MSR1: variants seen among roughly 807,000 people sequenced by gnomAD.
The protein encoded by MSR1 is macrophage scavenger receptor types I and II.
In MSR1, 53 loss-of-function variants were observed where a neutral mutation model predicts 47.2. That is an observed-to-expected ratio of 1.12 (90% CI 0.90 to 1.41). The LOEUF (loss-of-function observed/expected upper bound fraction) is 1.41, where lower values mean the gene tolerates loss of function less well. MSR1 is among the 40% of genes most tolerant of loss of function. MSR1 has a pLI of 0.00. For synonymous variants in MSR1, 239 were observed against 185.6 expected, an observed-to-expected ratio of 1.29 and a Z score of -2.34; for missense variants, 786 against 546.9, an observed-to-expected ratio of 1.44 and a Z score of -4.36.
intron 1 of MSR1, among the ~76,000 whole-genome samples, chr8:16,185,267 T>C (rs191517845): frequency 3.9e-5 from 6 of 152,276 alleles, no homozygotes; most frequent in East Asian, 3.9e-4. Flanking sequence ...GAGAATCTCA[T>C]CTACTTCCAT....
In MSR1 at chr8:16,108,581, T is replaced by C. The variant is rs1273392295; in HGVS notation, c.*1504A>G. On this transcript the variant is annotated 3_prime_UTR_variant, in exon 10 of 10. Transcript: ENST00000262101. ...TGAACACAAAGAATTATTAACTAGCTGAAATTACAGCCAGGGTTTGAGACA... is the reference window on the plus strand; with the variant it reads ...TGAACACAAAGAATTATTAACTAGCCGAAATTACAGCCAGGGTTTGAGACA... 1 of 152,154 alleles carries C rather than the reference T, an allele frequency of 6.6e-6. No individual in the cohort carries two copies. The highest frequency in any genetic ancestry group is 2.4e-5 in the African/African-American group (1 of 41,450). The allele number at this position is 152,154 out of a possible 1,614,324, so 9.4% of individuals were successfully genotyped here.
At chr8:16,126,749 ATTT>A (rs1309345125) in intron 8 of MSR1, among the ~76,000 whole-genome samples, 2 of 152,110 alleles carry the variant, frequency 1.3e-5, no homozygotes, top group Non-Finnish European at 2.9e-5. Flanking sequence ...AAGAGACGGG[ATTT>A]CACCACGTAG....
At chr8:16,179,820 T>C (rs1801771300) in intron 1 of MSR1, among the ~76,000 whole-genome samples, 2 of 134,334 alleles carry the variant, frequency 1.5e-5, no homozygotes, top group Non-Finnish European at 3.0e-5. Flanking sequence ...GAACTTGCAG[T>C]GAGCCGACAT....
At chr8:16,178,051 C>A in intron 1 of MSR1, 59 bp from the exon 2 acceptor site, 1 of 1,328,994 alleles carries the variant, frequency 7.5e-7, no homozygotes, top group South Asian at 1.2e-5. Context: ...GGCTCTTTTG[C>A]ATAATGTTTT....
At chr8:16,141,567 A>C (rs537122025) in intron 8 of MSR1, among the ~76,000 whole-genome samples, 1 of 152,290 alleles carries the variant, frequency 6.6e-6, no homozygotes, top group South Asian at 2.1e-4. Context: ...GTTTATGTAT[A>C]TCATTCTTTG....
intron 3 of MSR1, among the ~76,000 whole-genome samples, chr8:16,174,507 G>A (rs538014365): frequency 3.2e-4 from 48 of 152,186 alleles, no homozygotes; most frequent in Admixed American, 1.4e-3. Flanking sequence ...ATCTATCTCC[G>A]GTTCAAGTCA....
At chr8:16,155,166 T>G in intron 5 of MSR1, 22 bp from the exon 6 acceptor site, 2 of 1,577,642 alleles carry the variant, frequency 1.3e-6, no homozygotes, top group South Asian at 1.1e-5. Context: ...TTACAGTTAC[T>G]GATCATAGTT....
chr8:16,144,026 C>A (rs1428649103), intron 7 of MSR1, among the ~76,000 whole-genome samples: 3 of 151,992 alleles, frequency 2.0e-5, no homozygotes, highest in African/African-American at 4.8e-5. Context: ...TTAGAGTGTA[C>A]CATCCCCAAA....
intron 2 of MSR1, among the ~76,000 whole-genome samples, chr8:16,176,917 T>C (rs190065656): frequency 8.9e-4 from 135 of 152,322 alleles, no homozygotes; most frequent in African/African-American, 3.1e-3. Context: ...TAAGAACTCA[T>C]ATATGAGGCT....
chr8:16,175,042 C>G (rs945376114), intron 3 of MSR1, 145 bp downstream of exon 3: 2 of 688,666 alleles, frequency 2.9e-6, no homozygotes, highest in African/African-American at 3.6e-5. Flanking sequence ...TGTTTTTTAA[C>G]TTAACAAATT....
At chr8:16,175,635 T>C (rs947393704) in intron 2 of MSR1, among the ~76,000 whole-genome samples, 3 of 152,218 alleles carry the variant, frequency 2.0e-5, no homozygotes, top group Admixed American at 1.3e-4. Flanking sequence ...TTATTCAATG[T>C]TCATATGGGA....
intron 8 of MSR1, among the ~76,000 whole-genome samples, chr8:16,121,355 A>G (rs1800002261): frequency 6.6e-6 from 1 of 152,156 alleles, no homozygotes; most frequent in Non-Finnish European, 1.5e-5. Flanking sequence ...AAATGACCAT[A>G]TGTACAATAA....
intron 9 of MSR1, among the ~76,000 whole-genome samples, chr8:16,120,196 T>G (rs1799965696): frequency 6.6e-6 from 1 of 151,624 alleles, no homozygotes; most frequent in South Asian, 2.1e-4. Flanking sequence ...GCTAACACGG[T>G]GAAACCCCAT....
At chr8:16,130,897 T>C (rs917450162) in intron 8 of MSR1, among the ~76,000 whole-genome samples, 2 of 152,056 alleles carry the variant, frequency 1.3e-5, no homozygotes, top group African/African-American at 4.8e-5. Flanking sequence ...GGCATTTAGG[T>C]TGATTCCATG....
intron 1 of MSR1, among the ~76,000 whole-genome samples, chr8:16,185,937 G>T (rs146073873): frequency 9.8e-4 from 149 of 151,504 alleles, no homozygotes; most frequent in African/African-American, 3.4e-3. Flanking sequence ...AAAAGACAAG[G>T]AAGAACTTTT....
intron 5 of MSR1, among the ~76,000 whole-genome samples, chr8:16,163,713 T>A (rs1210386739): frequency 6.6e-6 from 1 of 151,860 alleles, no homozygotes; most frequent in East Asian, 1.9e-4. Flanking sequence ...TAAAAAAGAC[T>A]GGAAGTTTTG....
intron 3 of MSR1, among the ~76,000 whole-genome samples, chr8:16,172,088 A>C (rs1003721942): frequency 9.9e-5 from 15 of 152,142 alleles, no homozygotes; most frequent in African/African-American, 3.4e-4. Context: ...GTGTGATAAA[A>C]ATCTTTTTCT....
rs189258724 is a variant in MSR1, at chr8:16,159,096, C to A, written c.818-3952G>T. Among the ~76,000 whole-genome samples, 226 of 151,854 alleles carry A rather than the reference C, an allele frequency of 1.5e-3. 1 individual carries two copies. Among genetic ancestry groups the A allele is most frequent in the Non-Finnish European group, 2.5e-3 (171 of 67,874 alleles). ...GGATTACAGGCATGAGCCACCACTTCTAGCCTACAGTCCAGCTGTTACAAT... is the reference window on the plus strand; with the variant it reads ...GGATTACAGGCATGAGCCACCACTTATAGCCTACAGTCCAGCTGTTACAAT... On this transcript the variant is annotated intron_variant, in intron 5 of 9. Coordinates refer to ENST00000262101, the MANE Select transcript of MSR1 (RefSeq NM_138715.3).
At chr8:16,125,406 C>A (rs1016470583) in intron 8 of MSR1, among the ~76,000 whole-genome samples, 1 of 152,152 alleles carries the variant, frequency 6.6e-6, no homozygotes, top group Non-Finnish European at 1.5e-5. Flanking sequence ...AATGATCTTT[C>A]GTTAACACAT....
Sources: allele counts gnomAD v4.1 joint callset (sites outside exome capture counted in the v4.1 genomes callset), GRCh38; gene constraint gnomAD v4.1.1; transcripts MANE v1.5; gene names NCBI Gene and HGNC (gene_info 2026-07-23, HGNC 2026-07-21).